Variants in TMEM132B observed in about 807,000 individuals in gnomAD.
TMEM132B encodes the protein transmembrane protein 132B.
A neutral mutation model predicts 90.8 loss-of-function variants in TMEM132B; 18 were observed. That is an observed-to-expected ratio of 0.20 (90% confidence interval 0.14 to 0.29). The LOEUF (loss-of-function observed/expected upper bound fraction) is 0.29, where lower values mean the gene tolerates loss of function less well. Among genes scored for constraint, TMEM132B ranks in the 10% least tolerant of loss-of-function variants. The pLI is 1.00. For missense variants in TMEM132B, 1,096 were observed against 1,326.8 expected, an observed-to-expected ratio of 0.83 and a Z score of 2.70; for synonymous variants, 504 against 523.3, an observed-to-expected ratio of 0.96 and a Z score of 0.50.
At chr12:125,214,197 T>C (rs1873382631) in intron 1 of TMEM132B, among the ~76,000 whole-genome samples, 1 of 152,188 alleles carries the variant, frequency 6.6e-6, no homozygotes, top group Admixed American at 6.5e-5. Flanking sequence ...AAAGAAAACA[T>C]CTTTTGATTT....
At chr12:125,296,301 G>A (rs1465334441) in intron 1 of TMEM132B, among the ~76,000 whole-genome samples, 1 of 152,152 alleles carries the variant, frequency 6.6e-6, no homozygotes, top group Non-Finnish European at 1.5e-5. Context: ...TCCCACCTCC[G>A]GGCTTTTGTT....
chr12:125,374,529 T>C (rs1350775608), intron 2 of TMEM132B, among the ~76,000 whole-genome samples: 1 of 152,120 alleles, frequency 6.6e-6, no homozygotes, highest in Non-Finnish European at 1.5e-5. Flanking sequence ...CTGCCACAGT[T>C]GAAACGGTGA....
chr12:125,473,965 A>G (rs988053097), intron 3 of TMEM132B, among the ~76,000 whole-genome samples: 4 of 152,014 alleles, frequency 2.6e-5, no homozygotes, highest in African/African-American at 9.7e-5. Context: ...TAGAGAAAAA[A>G]TAGCAATGTG....
rs1344401102 is a variant in TMEM132B at position 125,650,922 on chromosome 12, C to A, written c.1883C>A (p.Ala628Asp). The A allele has an allele frequency of 6.2e-7, 1 of 1,612,962 alleles. No individual in the cohort carries two copies. Among genetic ancestry groups the A allele is most frequent in the Non-Finnish European group, 8.5e-7 (1 of 1,179,970 alleles). Residue 628 changes from alanine (A) to aspartate (D), a missense_variant, in exon 7 of 9, where the codon GCT becomes GAT. Ala to Asp is a moderately radical substitution (Grantham distance 126). Coordinates refer to ENST00000682704, the MANE Select transcript of TMEM132B (RefSeq NM_001366854.1). ...IAQLQDGRTL[A>D]GREPGITTVQ... is the part of the protein sequence containing the mutation. Reference sequence around the variant, plus strand: ...CAGTTACAGGACGGCAGGACCCTGGCTGGTCGGGAGCCGGGAATAACCACG... The same window carrying A: ...CAGTTACAGGACGGCAGGACCCTGGATGGTCGGGAGCCGGGAATAACCACG...
intron 3 of TMEM132B, among the ~76,000 whole-genome samples, chr12:125,513,411 A>G (rs950336236): frequency 6.6e-5 from 10 of 152,218 alleles, no homozygotes; most frequent in African/African-American, 2.2e-4. Context: ...TTATCAATAA[A>G]TAACAGTATG....
At chr12:125,234,271 A>G (rs1010889356) in intron 1 of TMEM132B, among the ~76,000 whole-genome samples, 3 of 152,100 alleles carry the variant, frequency 2.0e-5, no homozygotes, top group Admixed American at 6.6e-5. Flanking sequence ...TGATCACACA[A>G]TTCTTGTTGG....
intron 1 of TMEM132B, among the ~76,000 whole-genome samples, chr12:125,306,872 T>C (rs1490889824): frequency 6.6e-6 from 1 of 152,224 alleles, no homozygotes; most frequent in Admixed American, 6.5e-5. Flanking sequence ...AAATAATTGG[T>C]CATTCCCATT....
chr12:125,536,151 G>C (rs1883790375), intron 4 of TMEM132B, among the ~76,000 whole-genome samples: 1 of 152,192 alleles, frequency 6.6e-6, no homozygotes, highest in African/African-American at 2.4e-5. Flanking sequence ...CAGGGTGTCA[G>C]GTCTTTGCTC....
intron 6 of TMEM132B, among the ~76,000 whole-genome samples, chr12:125,647,301 G>T (rs926592931): frequency 6.6e-6 from 1 of 152,182 alleles, no homozygotes; most frequent in Admixed American, 6.5e-5. Context: ...AGTATTTGCA[G>T]AAATAATGGC....
chr12:125,552,076 T>C (rs1449349128), intron 4 of TMEM132B, among the ~76,000 whole-genome samples: 1 of 152,214 alleles, frequency 6.6e-6, no homozygotes, highest in Non-Finnish European at 1.5e-5. Context: ...CCTACCATTG[T>C]GCATTATATA....
At position 125,656,216 on chromosome 12, in the gene TMEM132B, C is replaced by A. The variant is rs1003258346; in HGVS notation, c.*1506C>A. 2 of 152,088 alleles carry A rather than the reference C, an allele frequency of 1.3e-5. No individual in the cohort carries two copies. The highest frequency in any genetic ancestry group is 4.8e-5 in the African/African-American group (2 of 41,394). The allele number at this position is 152,088 out of a possible 1,614,324, so 9.4% of individuals were successfully genotyped here. A position where few individuals can be genotyped will look rare whatever the true frequency, so the allele number is the denominator to read the frequency against. On this transcript the variant is annotated 3_prime_UTR_variant, in exon 9 of 9. Transcript: ENST00000682704. Reference sequence around the variant, plus strand: ...AAATGTAGACACTGGACTAGTATGCCTCATTATGAGCTTTACTGAGCCATT... The same window carrying A: ...AAATGTAGACACTGGACTAGTATGCATCATTATGAGCTTTACTGAGCCATT...
At position 125,662,346 on chromosome 12, in the gene TMEM132B, G is replaced by A. The variant is rs567373883; in HGVS notation, c.*7636G>A. On this transcript the variant is annotated 3_prime_UTR_variant, in exon 9 of 9. Coordinates refer to ENST00000682704, the MANE Select transcript of TMEM132B (RefSeq NM_001366854.1). ...AGGCACTTCCAAACATTTTGAAAACGAAGAAATAAAACATGTTGGATGATT... is the reference window on the plus strand; with the variant it reads ...AGGCACTTCCAAACATTTTGAAAACAAAGAAATAAAACATGTTGGATGATT... The A allele has an allele frequency of 2.6e-5, 4 of 152,202 alleles. No individual in the cohort carries two copies. The highest frequency in any genetic ancestry group is 2.1e-4 in the South Asian group (1 of 4,820). The allele number at this position is 152,202 out of a possible 1,614,324, so 9.4% of individuals were successfully genotyped here.
chr12:125,628,141 T>C (rs1886277319), intron 5 of TMEM132B, among the ~76,000 whole-genome samples: 1 of 152,204 alleles, frequency 6.6e-6, no homozygotes, highest in African/African-American at 2.4e-5. Context: ...GAAGTAATGA[T>C]TTCCTTTCTT....
chr12:125,464,036 T>A (rs896097162), intron 3 of TMEM132B, among the ~76,000 whole-genome samples: 1 of 152,184 alleles, frequency 6.6e-6, no homozygotes, highest in Non-Finnish European at 1.5e-5. Flanking sequence ...AACCACCCCA[T>A]GATTCAGTCC....
chr12:125,471,478 A>G (rs536766374), intron 3 of TMEM132B, among the ~76,000 whole-genome samples: 1 of 152,298 alleles, frequency 6.6e-6, no homozygotes, highest in African/African-American at 2.4e-5. Flanking sequence ...TGTTGTGATA[A>G]TCACAGATGA....
At chr12:125,391,958 G>T (rs985453779) in intron 2 of TMEM132B, among the ~76,000 whole-genome samples, 2 of 152,136 alleles carry the variant, frequency 1.3e-5, no homozygotes, top group East Asian at 3.9e-4. Context: ...TAGAGCTAGG[G>T]TTTCTCTGTG....
At chr12:125,331,806 T>G (rs368316377) in intron 1 of TMEM132B, among the ~76,000 whole-genome samples, 8 of 152,156 alleles carry the variant, frequency 5.3e-5, no homozygotes, top group African/African-American at 1.9e-4. Flanking sequence ...CAGGCTGGAG[T>G]GTAGTGGTGT....
intron 1 of TMEM132B, among the ~76,000 whole-genome samples, chr12:125,207,560 G>GT (rs1327750957): frequency 6.6e-6 from 1 of 152,146 alleles, no homozygotes; most frequent in Non-Finnish European, 1.5e-5. Context: ...GAGGAACTGG[G>GT]TTTTTTTAAT....
intron 2 of TMEM132B, among the ~76,000 whole-genome samples, chr12:125,405,509 C>T (rs1030733287): frequency 3.3e-5 from 5 of 152,126 alleles, no homozygotes; most frequent in African/African-American, 1.2e-4. Flanking sequence ...CTTATTTTTT[C>T]ATCATTTGAG....
Sources: allele counts gnomAD v4.1 joint callset (sites outside exome capture counted in the v4.1 genomes callset), GRCh38; gene constraint gnomAD v4.1.1; transcripts MANE v1.5; gene names NCBI Gene and HGNC (gene_info 2026-07-23, HGNC 2026-07-21).